Variants in H2BC26 observed in about 807,000 individuals in gnomAD.
H2BC26 encodes H2B clustered histone 26, also known as histone H2B type 3-B.
the H2BC26 span, chr1:228,458,518 C>A: frequency 3.1e-6 from 5 of 1,614,166 alleles, no homozygotes; most frequent in Non-Finnish European, 4.2e-6. Context: ...TGAGGCGTTC[C>A]TCGGCGTCCT....
At chr1:228,458,426 T>C in the H2BC26 span, 1 of 1,614,158 alleles carries the variant, frequency 6.2e-7, no homozygotes, top group Non-Finnish European at 8.5e-7. Context: ...AGACGGCCGT[T>C]CGCCTGCTGC....
the H2BC26 span, chr1:228,458,179 A>T: frequency 6.2e-7 from 1 of 1,613,816 alleles, no homozygotes. Context: ...GGTTCTAAAA[A>T]GGCTGTCACC....
chr1:228,458,434 T>G, the H2BC26 span: 5 of 1,614,176 alleles, frequency 3.1e-6, no homozygotes, highest in Non-Finnish European at 3.4e-6. Flanking sequence ...GTTCGCCTGC[T>G]GCTGCCCGGC....
chr1:228,458,177 A>AT, the H2BC26 span: 10 of 1,613,774 alleles, frequency 6.2e-6, no homozygotes, highest in Non-Finnish European at 8.5e-6. Context: ...AGGGTTCTAA[A>AT]AAGGCTGTCA....
At chr1:228,458,444 C>T in the H2BC26 span, 3 of 1,614,074 alleles carry the variant, frequency 1.9e-6, no homozygotes, top group East Asian at 4.5e-5. Flanking sequence ...TGCTGCCCGG[C>T]GAGCTGGCCA....
the H2BC26 span, chr1:228,458,166 A>T: frequency 6.2e-7 from 1 of 1,612,830 alleles, no homozygotes. Flanking sequence ...TGCGCCCAAG[A>T]AGGGTTCTAA....
At chr1:228,458,126 C>A in the H2BC26 span, 1 of 1,585,822 alleles carries the variant, frequency 6.3e-7, no homozygotes, top group Non-Finnish European at 8.6e-7. Context: ...GAGACTCAGC[C>A]ATCATGCCAG....
the H2BC26 span, chr1:228,458,229 C>A: frequency 6.2e-7 from 1 of 1,614,194 alleles, no homozygotes; most frequent in South Asian, 1.1e-5. Context: ...CAAGCGCGGC[C>A]GCAAGGAGAG....
chr1:228,458,261 G>C, the H2BC26 span: 1 of 1,614,220 alleles, frequency 6.2e-7, no homozygotes, highest in Non-Finnish European at 8.5e-7. Flanking sequence ...ACGTGTACAA[G>C]GTGCTGAAGC....
the H2BC26 span, chr1:228,458,223 C>T: frequency 2.5e-6 from 4 of 1,614,218 alleles, no homozygotes; most frequent in East Asian, 2.2e-5. Flanking sequence ...GAAGCGCAAG[C>T]GCGGCCGCAA....
chr1:228,458,496 A>C, the H2BC26 span: 1 of 1,614,200 alleles, frequency 6.2e-7, no homozygotes, highest in Admixed American at 1.7e-5. Context: ...CACCAAGTAC[A>C]CCAGCTCCAA....
chr1:228,458,430 C>T, the H2BC26 span: 5 of 1,614,196 alleles, frequency 3.1e-6, no homozygotes, highest in Non-Finnish European at 4.2e-6. Context: ...GGCCGTTCGC[C>T]TGCTGCTGCC....
the H2BC26 span, chr1:228,458,169 G>A: frequency 9.3e-6 from 15 of 1,613,040 alleles, no homozygotes; most frequent in South Asian, 9.9e-5. Context: ...GCCCAAGAAG[G>A]GTTCTAAAAA....
At chr1:228,458,548 A>AT in the H2BC26 span, 1 of 1,613,662 alleles carries the variant, frequency 6.2e-7, no homozygotes, top group Non-Finnish European at 8.5e-7. Context: ...GGCTCTTTTC[A>AT]GAGCCACCCA....
At chr1:228,458,140 C>T in the H2BC26 span, 13 of 1,605,196 alleles carry the variant, frequency 8.1e-6, no homozygotes, top group Admixed American at 8.4e-5. Context: ...ATGCCAGACC[C>T]GTCCAAATCG....
the H2BC26 span, chr1:228,458,159 G>A: frequency 1.4e-5 from 23 of 1,610,876 alleles, no homozygotes; most frequent in South Asian, 5.5e-5. Context: ...CGGCTCCTGC[G>A]CCCAAGAAGG....
chr1:228,458,554 A>C, the H2BC26 span: 2 of 1,612,510 alleles, frequency 1.2e-6, no homozygotes, highest in Non-Finnish European at 1.7e-6. Context: ...TTTCAGAGCC[A>C]CCCACACGAT....
the H2BC26 span, chr1:228,458,137 A>T: frequency 6.2e-7 from 1 of 1,604,400 alleles, no homozygotes; most frequent in African/African-American, 1.3e-5. Flanking sequence ...ATCATGCCAG[A>T]CCCGTCCAAA....
At chr1:228,458,385 A>C in the H2BC26 span, 1 of 1,614,096 alleles carries the variant, frequency 6.2e-7, no homozygotes, top group Non-Finnish European at 8.5e-7. Context: ...ACACTACAAC[A>C]AGCGCTCCAC....
Sources: gnomAD v4.1 joint callset for allele counts on GRCh38, gnomAD v4.1.1 for gene constraint, MANE v1.5 for transcripts, NCBI Gene and HGNC (gene_info 2026-07-23, HGNC 2026-07-21) for gene names.